The following GBX2 variants were observed in gnomAD, a reference collection of about 807,000 sequenced individuals.
The protein encoded by GBX2 is homeobox protein GBX-2.
In GBX2, 5 loss-of-function variants were observed where a neutral mutation model predicts 22.4. That is an observed-to-expected ratio of 0.22 (90% CI 0.12 to 0.47). The LOEUF is 0.47. GBX2 is among the 20% of genes least tolerant of loss of function. The pLI is 0.99. For missense variants in GBX2, 470 were observed against 495.4 expected (o/e 0.95, Z 0.49); for synonymous variants, 220 against 230.5 (o/e 0.95, Z 0.41).
In GBX2 at chr2:236,167,491, G is replaced by T; in HGVS notation, c.481C>A (p.Leu161Met). Residue 161 changes from leucine to methionine, a missense_variant, in exon 1 of 2, where the codon CTG becomes ATG. Transcript: ENST00000306318. ...GKGFLAKEGS[L>M]LAFSAAETVQ... is the part of the protein sequence containing the mutation. ...GTCTCGGCCGCGGAGAAGGCGAGCA[G>T]CGAGCCCTCTTTGGCCAGGAAGCCT... is the stretch of plus-strand genomic sequence containing the variant. 1.9e-6 allele frequency: 3 copies of T among 1,589,456 alleles called. No homozygotes were observed. Among genetic ancestry groups the T allele is most frequent in the Non-Finnish European group, 2.6e-6 (3 of 1,173,298 alleles).
At chr2:236,165,165 C>G (rs888314334), downstream of GBX2, 1 of 152,172 alleles carries the variant, frequency 6.6e-6, no homozygotes, top group Non-Finnish European at 1.5e-5. Context: ...TGGTCCCAGA[C>G]CAGTTGCCCG....
downstream of GBX2, among the ~76,000 whole-genome samples, chr2:236,164,265 C>T (rs2060225806): frequency 6.6e-6 from 1 of 152,198 alleles, no homozygotes; most frequent in African/African-American, 2.4e-5. Flanking sequence ...AGCGGCTCAC[C>T]GGCCTCCCCT....
intron 1 of GBX2, 73 bp downstream of exon 1, chr2:236,167,376 G>A: frequency 2.8e-6 from 4 of 1,406,110 alleles, no homozygotes; most frequent in East Asian, 2.8e-5. Flanking sequence ...TTGGTCTCCC[G>A]CGGGAACCCG....
chr2:236,167,536 C>T lies in GBX2; in HGVS notation c.436G>A (p.Ala146Thr), dbSNP rs775356080. ...GNFDKAEALQADAEDGKGFLA... is the reference protein window; with the variant it reads ...GNFDKAEALQTDAEDGKGFLA... ...AAGCCTTTGCCGTCCTCCGCGTCAG[C>T]CTGCAGCGCCTCCGCCTTGTCGAAG... Residue 146 changes from alanine to threonine, a missense_variant, in exon 1 of 2, where the codon GCT becomes ACT. This residue lies in a region of GBX2 where 377 missense variants were observed against 358.6 expected (regional missense o/e 1.05). Transcript: ENST00000306318. 1 of 1,599,486 alleles carries T rather than the reference C, an allele frequency of 6.3e-7. No homozygotes were observed. Among genetic ancestry groups the T allele is most frequent in the Admixed American group, 1.7e-5 (1 of 59,432 alleles).
rs1019190671 is a variant in GBX2, at chr2:236,167,354, G to A, written c.523+95C>T. 6 of 1,391,308 alleles carry A rather than the reference G, an allele frequency of 4.3e-6. No individual in the cohort carries two copies. The African/African-American group carries it at 5.9e-5, about 14-fold the overall frequency. The allele number at this position is 1,391,308 out of a possible 1,614,324, so 86.2% of individuals were successfully genotyped here. A position where few individuals can be genotyped will look rare whatever the true frequency, so the allele number is the denominator to read the frequency against. ...TCCCGCGGGGGTCGAGCGGGGGCGC[G>A]GCCTCGCCCCCTTGGTCTCCCGCGG... On this transcript the variant is annotated intron_variant, in intron 1 of 1. Transcript: ENST00000306318.
Position 236,166,526 on chromosome 2 carries a change from C to T in GBX2, c.524-89G>A, listed in dbSNP as rs1299211672. On this transcript the variant is annotated intron_variant, in intron 1 of 1. Transcript: ENST00000306318. The surrounding 1 kb of genome is among the most constrained non-coding windows in gnomAD (Gnocchi z 6.6). ...ACCGTCATTTGGACATTCCGCGCCCCCCGCCCCCCACCCTTTAGCGGATTG... is the reference window on the plus strand; with the variant it reads ...ACCGTCATTTGGACATTCCGCGCCCTCCGCCCCCCACCCTTTAGCGGATTG... 2.6e-6 allele frequency: 3 copies of T among 1,168,196 alleles called. No individual in the cohort carries two copies. The highest frequency in any genetic ancestry group is 2.4e-5 in the East Asian group (1 of 42,306). 72.4% of individuals were successfully genotyped at this position (1,168,196 alleles called of 1,614,324 possible).
At chr2:236,163,459 C>G (rs995529911), downstream of GBX2, among the ~76,000 whole-genome samples, 1 of 152,248 alleles carries the variant, frequency 6.6e-6, no homozygotes, top group Non-Finnish European at 1.5e-5. Context: ...GCTTTCCCGC[C>G]GGGTTTGTGC....
rs1230975400 is a variant in GBX2, at chr2:236,166,283, G to T, written c.678C>A (p.His226Gln). Residue 226 changes from histidine (H) to glutamine (Q), a missense_variant, in exon 2 of 2, where the codon CAC (histidine) becomes CAA (glutamine). By Grantham distance (24) the His-to-Gln change is conservative (BLOSUM62 0). Around this residue, in one of 4 missense-constraint regions of GBX2, gnomAD observed 377 missense variants for 358.6 expected, o/e 1.05. Transcript: ENST00000306318. The surrounding 1 kb of genome is among the most constrained non-coding windows in gnomAD (Gnocchi z 6.6). ...QAAHKEEDPG[H>Q]ALEETPPSSG... Reference sequence around the variant, plus strand: ...TGCTCGGCGGGGTCTCCTCCAGCGCGTGGCCCGGGTCTTCCTCCTTGTGAG... The same window carrying T: ...TGCTCGGCGGGGTCTCCTCCAGCGCTTGGCCCGGGTCTTCCTCCTTGTGAG... 1 of 1,613,812 alleles carries T rather than the reference G, an allele frequency of 6.2e-7. No homozygotes were observed. The highest frequency in any genetic ancestry group is 1.3e-5 in the African/African-American group (1 of 75,068).
At chr2:236,165,026 A>G (rs1392792156), downstream of GBX2, among the ~76,000 whole-genome samples, 1 of 152,146 alleles carries the variant, frequency 6.6e-6, no homozygotes, top group Non-Finnish European at 1.5e-5. Flanking sequence ...CTAAGGTGAG[A>G]ATTAGGTTTT....
chr2:236,168,156 G>C lies in GBX2; in HGVS notation c.-185C>G. 2.0e-6 allele frequency: 1 copy of C among 497,736 alleles called. No homozygotes were observed. Among genetic ancestry groups the C allele is most frequent in the Non-Finnish European group, 3.0e-6 (1 of 330,858 alleles). The allele number at this position is 497,736 out of a possible 1,614,324, so 30.8% of individuals were successfully genotyped here. A position where few individuals can be genotyped will look rare whatever the true frequency, so the allele number is the denominator to read the frequency against. ...CATGCCGGGCGGGTGCAGGGGGTGTGCGGGGTGAGGCCGTGCGCCCCGGAG... is the reference window on the plus strand; with the variant it reads ...CATGCCGGGCGGGTGCAGGGGGTGTCCGGGGTGAGGCCGTGCGCCCCGGAG... On this transcript the variant is annotated 5_prime_UTR_variant, in exon 1 of 2. Coordinates refer to ENST00000306318, the MANE Select transcript of GBX2 (RefSeq NM_001485.4).
downstream of GBX2, among the ~76,000 whole-genome samples, chr2:236,164,404 A>G (rs1389991893): frequency 6.6e-6 from 1 of 152,018 alleles, no homozygotes; most frequent in East Asian, 1.9e-4. Context: ...CCGCCGCAGT[A>G]TCTGGCGGCG....
At chr2:236,162,576 G>T (rs2060217764), downstream of GBX2, among the ~76,000 whole-genome samples, 3 of 152,316 alleles carry the variant, frequency 2.0e-5, no homozygotes, top group Admixed American at 2.0e-4. Context: ...AATGGGGCAG[G>T]GGTGCCTGGC....
downstream of GBX2, among the ~76,000 whole-genome samples, chr2:236,164,603 G>C (rs772637706): frequency 1.3e-5 from 2 of 152,094 alleles, no homozygotes; most frequent in South Asian, 2.1e-4. Context: ...GCGGACTACC[G>C]GGGCGTCCTT....
At chr2:236,161,400 T>A (rs1371333975), downstream of GBX2, among the ~76,000 whole-genome samples, 1 of 152,262 alleles carries the variant, frequency 6.6e-6, no homozygotes. Context: ...GTTGCTTATG[T>A]GCGTTGGGGT....
chr2:236,167,284 C>T (rs1559318398), intron 1 of GBX2, 165 bp downstream of exon 1: 2 of 1,393,918 alleles, frequency 1.4e-6, no homozygotes, highest in Non-Finnish European at 2.0e-6. Context: ...CTCTGAATGT[C>T]CCCCGGAGGC....
At chr2:236,163,594 A>G (rs2060222503), downstream of GBX2, among the ~76,000 whole-genome samples, 1 of 152,180 alleles carries the variant, frequency 6.6e-6, no homozygotes, top group Admixed American at 6.5e-5. Context: ...GGGGAGTGCC[A>G]GGGTCTCTTC....
downstream of GBX2, among the ~76,000 whole-genome samples, chr2:236,161,938 TAGA>T (rs747172754): frequency 5.3e-5 from 8 of 152,132 alleles, no homozygotes; most frequent in Non-Finnish European, 1.2e-4. Context: ...GCCGGAAAGC[TAGA>T]AGGTCACTCC....
At position 236,166,175 on chromosome 2, in the gene GBX2, T is replaced by C. The variant is rs1559317796; in HGVS notation, c.786A>G (p.Leu262=). ...TAFTSEQLLE[L]EKEFHCKKYL... ...ACTTTTTGCAGTGGAACTCCTTCTCTAGCTCCAGCAGCTGCTCGCTGGTGA... is the reference window on the plus strand; with the variant it reads ...ACTTTTTGCAGTGGAACTCCTTCTCCAGCTCCAGCAGCTGCTCGCTGGTGA... Residue 262 remains leucine (L), a synonymous_variant, in exon 2 of 2, where the codon CTA becomes CTG. Transcript: ENST00000306318. This position sits in a 1 kb window ranked among gnomAD's most constrained non-coding sequence, Gnocchi z 6.6. 2 of 1,614,044 alleles carry C rather than the reference T, an allele frequency of 1.2e-6. No individual in the cohort carries two copies. The highest frequency in any genetic ancestry group is 1.1e-5 in the South Asian group (1 of 91,092).
At position 236,167,515 on chromosome 2, in the gene GBX2, CT is replaced by C; in HGVS notation, c.456del (p.Gly153AlafsTer61). 1 of 1,595,310 alleles carries C rather than the reference CT, an allele frequency of 6.3e-7. No individual in the cohort carries two copies. On this transcript the variant is annotated frameshift_variant, in exon 1 of 2. Transcript: ENST00000306318. LOFTEE classifies it high-confidence loss of function. ...EALQADAEDG[K>X]GFLAKEGSLL... Reference sequence around the variant, plus strand: ...AGCGAGCCCTCTTTGGCCAGGAAGCCTTTGCCGTCCTCCGCGTCAGCCTGCA... The same window carrying C: ...AGCGAGCCCTCTTTGGCCAGGAAGCCTTGCCGTCCTCCGCGTCAGCCTGCA...
Sources: allele counts gnomAD v4.1 joint callset (sites outside exome capture counted in the v4.1 genomes callset), GRCh38; gene constraint gnomAD v4.1.1; regional missense constraint gnomAD v4.1.1; non-coding constraint Gnocchi (gnomAD v3.1); transcripts MANE v1.5; gene names NCBI Gene and HGNC (gene_info 2026-07-23, HGNC 2026-07-21).